MYH15: variants seen among roughly 807,000 people sequenced by gnomAD.
MYH15 encodes the protein myosin-15.
Under a neutral mutation model 240.5 loss-of-function variants are expected in MYH15, and 227 were observed. The ratio of observed to expected loss-of-function variants is 0.94; its 90% CI spans 0.85 to 1.05. MYH15 has a LOEUF of 1.05. Ranked by LOEUF, MYH15 falls within the 50% of genes least tolerant of loss-of-function variation. MYH15 has a pLI of 0.00. For synonymous variants in MYH15, 785 were observed against 796.7 expected, an observed-to-expected ratio of 0.99 and a Z score of 0.25; for missense variants, 2,217 against 2,247.5, an observed-to-expected ratio of 0.99 and a Z score of 0.27.
intron 28 of MYH15, among the ~76,000 whole-genome samples, chr3:108,418,706 A>G (rs568518927): frequency 1.8e-4 from 27 of 149,440 alleles, no homozygotes; most frequent in African/African-American, 6.4e-4. Flanking sequence ...ATCTCAGCTC[A>G]CTGCAACCTC....
At chr3:108,400,624 C>G (rs531678782) in intron 33 of MYH15, among the ~76,000 whole-genome samples, 9 of 152,228 alleles carry the variant, frequency 5.9e-5, no homozygotes, top group African/African-American at 1.7e-4. Flanking sequence ...GCCTGGCCAA[C>G]ACGGTGAAAT....
the MYH15 span, among the ~76,000 whole-genome samples, chr3:108,545,694 TAC>T: frequency 3.8e-4 from 57 of 148,848 alleles, 1 homozygote; most frequent in Middle Eastern, 3.5e-3. Context: ...AATATACACA[TAC>T]ACACACACAC....
At chr3:108,504,400 T>G (rs1054544465) in intron 2 of MYH15, among the ~76,000 whole-genome samples, 1 of 152,232 alleles carries the variant, frequency 6.6e-6, no homozygotes, top group Non-Finnish European at 1.5e-5. Context: ...TTTTTTTACG[T>G]AACAGATATT....
At chr3:108,408,858 T>C (rs985206381) in intron 31 of MYH15, among the ~76,000 whole-genome samples, 1 of 152,198 alleles carries the variant, frequency 6.6e-6, no homozygotes, top group African/African-American at 2.4e-5. Context: ...TCTGCCAGCA[T>C]TCAAGGCATG....
In MYH15 at chr3:108,439,767, T is replaced by G; in HGVS notation, c.3045A>C (p.Ala1015=). 1.2e-6 allele frequency: 2 copies of G among 1,608,484 alleles called. No homozygotes were observed. Among genetic ancestry groups the G allele is most frequent in the Non-Finnish European group, 1.7e-6 (2 of 1,177,964 alleles). Residue 1015 remains alanine, a synonymous_variant, in exon 24 of 41, where the codon GCA becomes GCC. Transcript: ENST00000693548. The part of the protein sequence containing the change: ...EEEKLSSLSK[A]NLKLEQQVDE... ...CAACTTGCTGTTCCAGCTTCAGATT[T>G]GCTTTGCTCAGGCTGCTGAGCTTCT...
At chr3:108,420,016 T>C (rs1303055616) in intron 28 of MYH15, among the ~76,000 whole-genome samples, 4 of 152,004 alleles carry the variant, frequency 2.6e-5, no homozygotes, top group African/African-American at 7.2e-5. Context: ...TCAATCTCAA[T>C]GAATTAGAAG....
chr3:108,408,443 G>C, intron 31 of MYH15, 39 bp from the exon 32 acceptor site: 1 of 1,578,386 alleles, frequency 6.3e-7, no homozygotes, highest in Middle Eastern at 1.7e-4. Flanking sequence ...TAGTGAATGG[G>C]CTCAGTCTCA....
At chr3:108,427,163 C>T (rs1286807191) in intron 27 of MYH15, among the ~76,000 whole-genome samples, 1 of 152,184 alleles carries the variant, frequency 6.6e-6, no homozygotes, top group Non-Finnish European at 1.5e-5. Flanking sequence ...TGAGTTGACG[C>T]TGAAATGACT....
intron 25 of MYH15, among the ~76,000 whole-genome samples, chr3:108,436,155 AG>A (rs1429768287): frequency 2.6e-5 from 4 of 152,222 alleles, no homozygotes; most frequent in South Asian, 2.1e-4. Context: ...TTAGGGGAAA[AG>A]TTTTATAATA....
intron 29 of MYH15, among the ~76,000 whole-genome samples, chr3:108,416,540 C>T (rs1443595816): frequency 6.6e-6 from 1 of 152,062 alleles, no homozygotes; most frequent in African/African-American, 2.4e-5. Context: ...AATCAAAATC[C>T]TGAAAGAGCC....
At chr3:108,432,774 G>A (rs1051250815) in intron 25 of MYH15, among the ~76,000 whole-genome samples, 5 of 152,178 alleles carry the variant, frequency 3.3e-5, no homozygotes, top group African/African-American at 7.2e-5. Context: ...TGGAGCCTAC[G>A]AGTACACAGA....
the MYH15 span, among the ~76,000 whole-genome samples, chr3:108,540,558 T>C: frequency 1.4e-4 from 21 of 152,220 alleles, no homozygotes; most frequent in Admixed American, 1.2e-3. Context: ...ATTATCTTTA[T>C]AGATATCGAA....
chr3:108,428,152 A>T (rs1338755464), intron 27 of MYH15, among the ~76,000 whole-genome samples: 1 of 152,202 alleles, frequency 6.6e-6, no homozygotes, highest in Non-Finnish European at 1.5e-5. Flanking sequence ...ACTGAGGAGC[A>T]CTTATAACAA....
At chr3:108,542,294 TAC>T in the MYH15 span, among the ~76,000 whole-genome samples, 4 of 152,210 alleles carry the variant, frequency 2.6e-5, no homozygotes, top group Non-Finnish European at 5.9e-5. Context: ...CATTTTGTAT[TAC>T]ACAGTTCTAT....
At chr3:108,517,619 C>T (rs1460253934) in intron 1 of MYH15, among the ~76,000 whole-genome samples, 1 of 151,898 alleles carries the variant, frequency 6.6e-6, no homozygotes, top group Non-Finnish European at 1.5e-5. Flanking sequence ...AGGTACCCAC[C>T]ACCATGCATG....
intron 9 of MYH15, among the ~76,000 whole-genome samples, chr3:108,489,776 C>T (rs2083332756): frequency 6.6e-6 from 1 of 152,200 alleles, no homozygotes; most frequent in Non-Finnish European, 1.5e-5. Context: ...TACTCTGAAG[C>T]TCTTCTTTAG....
intron 22 of MYH15, among the ~76,000 whole-genome samples, chr3:108,442,879 TCA>T (rs1400138008): frequency 6.6e-6 from 1 of 151,832 alleles, no homozygotes; most frequent in Non-Finnish European, 1.5e-5. Context: ...AACTTCTTAA[TCA>T]CAGTTACAAT....
chr3:108,413,309 G>A (rs1357498472), intron 30 of MYH15, among the ~76,000 whole-genome samples: 3 of 152,134 alleles, frequency 2.0e-5, no homozygotes, highest in African/African-American at 7.2e-5. Flanking sequence ...AAGTTACTGT[G>A]GGTACAGAGA....
the MYH15 span, chr3:108,543,790 T>C: frequency 1.3e-5 from 2 of 152,294 alleles, no homozygotes; most frequent in African/African-American, 2.4e-5. Flanking sequence ...TGTGGATCTT[T>C]TGGGTCAGCT....
Sources: allele counts gnomAD v4.1 joint callset (sites outside exome capture counted in the v4.1 genomes callset), GRCh38; gene constraint gnomAD v4.1.1; transcripts MANE v1.5; gene names NCBI Gene and HGNC (gene_info 2026-07-23, HGNC 2026-07-21).